Variants in CCSER1 observed in about 807,000 individuals in gnomAD.
CCSER1 encodes coiled-coil serine rich protein 1, also known as serine-rich coiled-coil domain-containing protein 1.
CCSER1 carries 41 observed loss-of-function variants against 82.0 expected under a neutral mutation model. The ratio of observed to expected loss-of-function variants is 0.50; its 90% CI spans 0.39 to 0.65. CCSER1 has a LOEUF of 0.65. CCSER1 is among the 30% of genes least tolerant of loss of function. The pLI is 0.00. For missense variants in CCSER1, 1,119 were observed against 1,064.2 expected (o/e 1.05, Z -0.72); for synonymous variants, 414 against 383.9 (o/e 1.08, Z -0.92).
chr4:90,131,082 C>T (rs1003266720), intron 1 of CCSER1, among the ~76,000 whole-genome samples: 2 of 152,182 alleles, frequency 1.3e-5, no homozygotes, highest in African/African-American at 4.8e-5. Flanking sequence ...ACTGCAACCT[C>T]CGCCTCCTGG....
intron 3 of CCSER1, among the ~76,000 whole-genome samples, chr4:90,388,710 A>C (rs1216922535): frequency 6.6e-6 from 1 of 151,958 alleles, no homozygotes; most frequent in Non-Finnish European, 1.5e-5. Context: ...ATCTTGGCTC[A>C]CTGCAACCTC....
intron 5 of CCSER1, among the ~76,000 whole-genome samples, chr4:90,573,705 C>T (rs1452525932): frequency 6.6e-6 from 1 of 152,096 alleles, no homozygotes. Flanking sequence ...CTTCACCCCT[C>T]CCCCTCATAT....
chr4:91,493,967 G>A (rs1758684100), intron 10 of CCSER1, among the ~76,000 whole-genome samples: 1 of 151,824 alleles, frequency 6.6e-6, no homozygotes, highest in South Asian at 2.1e-4. Flanking sequence ...ACTATGGTCT[G>A]AATATGTCCT....
chr4:91,569,473 G>A (rs778378690), intron 10 of CCSER1, among the ~76,000 whole-genome samples: 18 of 152,124 alleles, frequency 1.2e-4, no homozygotes, highest in Admixed American at 4.6e-4. Flanking sequence ...CAGAGACTGA[G>A]TACTTTATTT....
chr4:90,193,540 A>G (rs1394950551), intron 1 of CCSER1, among the ~76,000 whole-genome samples: 1 of 151,672 alleles, frequency 6.6e-6, no homozygotes, highest in Non-Finnish European at 1.5e-5. Flanking sequence ...ATTATGATAC[A>G]TATTCTTAAA....
intron 10 of CCSER1, among the ~76,000 whole-genome samples, chr4:91,489,865 G>A (rs374505154): frequency 1.3e-5 from 2 of 151,944 alleles, no homozygotes; most frequent in African/African-American, 2.4e-5. Context: ...AAAACAACCC[G>A]AATATATATG....
chr4:91,172,376 GA>G (rs1216241747), intron 10 of CCSER1, among the ~76,000 whole-genome samples: 1 of 152,168 alleles, frequency 6.6e-6, no homozygotes, highest in Admixed American at 6.5e-5. Context: ...TGCATTGATG[GA>G]AAGGCATTCT....
At chr4:91,175,157 C>T (rs192693702) in intron 10 of CCSER1, among the ~76,000 whole-genome samples, 87 of 152,142 alleles carry the variant, frequency 5.7e-4, no homozygotes, top group Middle Eastern at 3.4e-3. Flanking sequence ...TGAACTCATC[C>T]TTTTTTATGG....
intron 7 of CCSER1, chr4:90,781,610 G>A: frequency 1.0e-6 from 1 of 973,146 alleles, no homozygotes; most frequent in Non-Finnish European, 1.2e-6. Context: ...AAACAATAAG[G>A]TGTTTTTAAT....
intron 10 of CCSER1, among the ~76,000 whole-genome samples, chr4:91,574,754 G>A (rs993108303): frequency 1.3e-5 from 2 of 151,916 alleles, no homozygotes; most frequent in Non-Finnish European, 2.9e-5. Flanking sequence ...GGAGGGAGGA[G>A]GGGAAAGAGT....
At chr4:91,453,185 T>G (rs780470558) in intron 10 of CCSER1, among the ~76,000 whole-genome samples, 1 of 152,092 alleles carries the variant, frequency 6.6e-6, no homozygotes, top group African/African-American at 2.4e-5. Flanking sequence ...CTGTAAATTT[T>G]GTAAATAACT....
chr4:90,547,887 A>T (rs1270901310), intron 5 of CCSER1, among the ~76,000 whole-genome samples: 1 of 152,206 alleles, frequency 6.6e-6, no homozygotes, highest in Non-Finnish European at 1.5e-5. Context: ...AACAGTGGCA[A>T]AATATGCCTA....
rs191813863 is a variant in CCSER1, at chr4:91,595,860, A to T, written c.2218-2712A>T. Among the ~76,000 whole-genome samples, 290 of 149,298 alleles carry T rather than the reference A, an allele frequency of 1.9e-3. 1 individual carries two copies. In the South Asian group the frequency reaches 0.021, roughly 11 times the overall value. On this transcript the variant is annotated intron_variant, in intron 10 of 10. Coordinates refer to ENST00000509176, the MANE Select transcript of CCSER1 (RefSeq NM_001145065.2). Reference sequence around the variant, plus strand: ...AATGAATTCATATATATCTGACCCTACCCATATGATTAACCCCTGCACAAT... The same window carrying T: ...AATGAATTCATATATATCTGACCCTTCCCATATGATTAACCCCTGCACAAT...
Position 90,622,753 on chromosome 4 carries a change from A to G in CCSER1, c.1725-5272A>G, listed in dbSNP as rs1284146548. On this transcript the variant is annotated intron_variant, in intron 5 of 10. Coordinates refer to ENST00000509176, the MANE Select transcript of CCSER1 (RefSeq NM_001145065.2). ...CGTGTGCATGTGTCTTTATAGCAGCATGATTTATAATCCTTTGGGTATATA... is the reference window on the plus strand; with the variant it reads ...CGTGTGCATGTGTCTTTATAGCAGCGTGATTTATAATCCTTTGGGTATATA... Among the ~76,000 whole-genome samples the G allele has an allele frequency of 2.1e-4, 32 of 152,130 alleles. 1 individual carries two copies. The highest frequency in any genetic ancestry group is 7.3e-5 in the Non-Finnish European group (5 of 68,038).
At chr4:90,315,140 A>G (rs1042386892) in intron 3 of CCSER1, among the ~76,000 whole-genome samples, 1 of 151,958 alleles carries the variant, frequency 6.6e-6, no homozygotes, top group African/African-American at 2.4e-5. Context: ...GTGAGCCACC[A>G]CGCTCAGCCC....
chr4:90,229,601 A>T (rs1164544846), intron 1 of CCSER1, among the ~76,000 whole-genome samples: 1 of 152,118 alleles, frequency 6.6e-6, no homozygotes, highest in East Asian at 1.9e-4. Context: ...TAATGACAGG[A>T]TCAAATTCAC....
intron 10 of CCSER1, among the ~76,000 whole-genome samples, chr4:91,587,693 G>A (rs927319801): frequency 9.2e-5 from 14 of 151,734 alleles, no homozygotes; most frequent in African/African-American, 3.4e-4. Context: ...AAAATCTTTT[G>A]GATGTTGTTT....
intron 6 of CCSER1, among the ~76,000 whole-genome samples, chr4:90,647,005 A>G (rs1727730233): frequency 6.6e-6 from 1 of 152,132 alleles, no homozygotes; most frequent in East Asian, 1.9e-4. Context: ...CCCAGGATAA[A>G]TGGTGTGTTT....
At chr4:90,757,455 G>T (rs1178393141) in intron 7 of CCSER1, among the ~76,000 whole-genome samples, 1 of 152,166 alleles carries the variant, frequency 6.6e-6, no homozygotes, top group Non-Finnish European at 1.5e-5. Context: ...TTAATTTCAG[G>T]TTGGTGTCAT....
Sources: gnomAD v4.1 joint callset for allele counts (sites outside exome capture counted in the v4.1 genomes callset) on GRCh38, gnomAD v4.1.1 for gene constraint, MANE v1.5 for transcripts, NCBI Gene and HGNC (gene_info 2026-07-23, HGNC 2026-07-21) for gene names.